The following NCOA3 variants were observed in gnomAD, a reference collection of about 807,000 sequenced individuals.
NCOA3 encodes the protein CBP-interacting protein.
NCOA3 carries 51 observed loss-of-function variants against 158.8 expected under a neutral mutation model. The observed-to-expected ratio is 0.32, with a 90% CI of 0.26 to 0.41. NCOA3 has a LOEUF of 0.41. Among genes scored for constraint, NCOA3 ranks in the 10% least tolerant of loss-of-function variants. The probability of loss-of-function intolerance (pLI) is 1.00; values close to 1 mark genes in which losing one functional copy is unlikely to be tolerated. For synonymous variants in NCOA3, 537 were observed against 592.4 expected, an observed-to-expected ratio of 0.91 and a Z score of 1.36; for missense variants, 1,510 against 1,746.6, an observed-to-expected ratio of 0.86 and a Z score of 2.41.
At chr20:47,569,785 C>T (rs1050092701) in intron 1 of NCOA3, among the ~76,000 whole-genome samples, 8 of 151,876 alleles carry the variant, frequency 5.3e-5, no homozygotes, top group East Asian at 1.9e-4. Flanking sequence ...CCGAGGAGGG[C>T]GGATCACAAG....
Position 47,627,667 on chromosome 20 carries a change from C to T in NCOA3, c.639C>T (p.Ala213=). ...ATGATATTCTGGAAGACATAAACGCCAGTCCTGAAATGCGCCAGAGATATG... is the reference window on the plus strand; with the variant it reads ...ATGATATTCTGGAAGACATAAACGCTAGTCCTGAAATGCGCCAGAGATATG... ...TPHDILEDIN[A]SPEMRQRYET... The change falls in exon 7 of 23, where the codon GCC becomes GCT. Residue 213 remains alanine, a synonymous_variant. Transcript: ENST00000371998. 1 of 1,614,118 alleles carries T rather than the reference C, an allele frequency of 6.2e-7. No individual in the cohort carries two copies. The highest frequency in any genetic ancestry group is 8.5e-7 in the Non-Finnish European group (1 of 1,180,020).
chr20:47,571,294 C>T (rs1005189902), intron 1 of NCOA3, among the ~76,000 whole-genome samples: 6 of 151,152 alleles, frequency 4.0e-5, no homozygotes, highest in Non-Finnish European at 5.9e-5. Flanking sequence ...TATGAGCCAC[C>T]GTGCCCGGCT....
At chr20:47,548,439 G>A (rs1300093844) in intron 1 of NCOA3, among the ~76,000 whole-genome samples, 3 of 152,012 alleles carry the variant, frequency 2.0e-5, no homozygotes, top group African/African-American at 7.2e-5. Context: ...AGCTACTCGG[G>A]AGGCTGAGGC....
intron 1 of NCOA3, among the ~76,000 whole-genome samples, chr20:47,540,226 G>A (rs2146126587): frequency 6.6e-6 from 1 of 152,118 alleles, no homozygotes; most frequent in East Asian, 1.9e-4. Context: ...ATACTTAGTT[G>A]GCATGGCTTT....
chr20:47,577,906 T>C (rs1352416585), intron 1 of NCOA3, among the ~76,000 whole-genome samples: 1 of 152,232 alleles, frequency 6.6e-6, no homozygotes, highest in Non-Finnish European at 1.5e-5. Flanking sequence ...CTTGATTCTT[T>C]CTAGTATATA....
intron 1 of NCOA3, among the ~76,000 whole-genome samples, chr20:47,525,959 C>T (rs1243082421): frequency 1.3e-5 from 2 of 151,566 alleles, no homozygotes; most frequent in Non-Finnish European, 2.9e-5. Flanking sequence ...CACCTCCCTC[C>T]CGGACAAGGT....
At chr20:47,519,499 A>T (rs544421027) in intron 1 of NCOA3, among the ~76,000 whole-genome samples, 1 of 152,262 alleles carries the variant, frequency 6.6e-6, no homozygotes, top group African/African-American at 2.4e-5. Context: ...GGTACCTGAG[A>T]TGGGCCCAAC....
chr20:47,639,767 T>G lies in NCOA3; in HGVS notation c.2898T>G (p.Asn966Lys). The stretch of plus-strand genomic sequence containing the variant: ...TTCCCACATTGCCTCTTCGGTCTAA[T>G]AGCATACCAGGTGCGAGACCAGTAT... ...GSIPTLPLRS[N>K]SIPGARPVLQ... Residue 966 changes from asparagine (N) to lysine (K), a missense_variant, in exon 15 of 23, where the codon AAT becomes AAG. Physicochemically the swap from Asn to Lys is moderately conservative, Grantham distance 94. Coordinates refer to ENST00000371998, the MANE Select transcript of NCOA3 (RefSeq NM_181659.3). The G allele has an allele frequency of 6.2e-7, 1 of 1,614,240 alleles. No homozygotes were observed. Among genetic ancestry groups the G allele is most frequent in the Non-Finnish European group, 8.5e-7 (1 of 1,180,044 alleles).
At chr20:47,608,407 G>T (rs1483423455) in intron 2 of NCOA3, among the ~76,000 whole-genome samples, 1 of 152,108 alleles carries the variant, frequency 6.6e-6, no homozygotes, top group Non-Finnish European at 1.5e-5. Context: ...TGAGGCCGAG[G>T]TGGGAGAATT....
intron 2 of NCOA3, among the ~76,000 whole-genome samples, chr20:47,595,051 CA>C (rs1220443654): frequency 6.7e-6 from 1 of 150,014 alleles, no homozygotes. Context: ...CTTTGCCTCC[CA>C]AAGTGATGGG....
intron 2 of NCOA3, among the ~76,000 whole-genome samples, chr20:47,616,200 GT>G (rs1258952561): frequency 3.7e-4 from 47 of 127,904 alleles, no homozygotes; most frequent in Middle Eastern, 5.0e-3. Context: ...TTAAATGCAG[GT>G]TTTTTTTTTT....
intron 1 of NCOA3, among the ~76,000 whole-genome samples, chr20:47,582,360 T>G (rs911997185): frequency 2.0e-5 from 3 of 152,054 alleles, no homozygotes; most frequent in Non-Finnish European, 4.4e-5. Flanking sequence ...TACAGGCGCA[T>G]GCCATCACAC....
chr20:47,598,922 A>AT (rs781678277), intron 2 of NCOA3, among the ~76,000 whole-genome samples: 1 of 152,222 alleles, frequency 6.6e-6, no homozygotes, highest in Non-Finnish European at 1.5e-5. Context: ...ATTATACTGT[A>AT]TTTTTACTGT....
rs2086565141 is a variant in NCOA3 at position 47,639,182 on chromosome 20, A to G, written c.2687A>G (p.Glu896Gly). 6.2e-7 allele frequency: 1 copy of G among 1,613,738 alleles called. No individual in the cohort carries two copies. Among genetic ancestry groups the G allele is most frequent in the Admixed American group, 1.7e-5 (1 of 59,980 alleles). The change falls in exon 14 of 23, where the codon GAA (glutamate) becomes GGA (glycine). Residue 896 changes from glutamate to glycine, a missense_variant. By Grantham distance (98) the Glu-to-Gly change is moderately conservative. Around this residue, in one of 4 missense-constraint regions of NCOA3, gnomAD observed 1,017 missense variants for 1,098.3 expected, o/e 0.93. Coordinates refer to ENST00000371998, the MANE Select transcript of NCOA3 (RefSeq NM_181659.3). ...AATCCAAGAATGATGGATAGTCAGG[A>G]AAATTATGGCTCAAGTATGGGTACG... The part of the protein sequence containing the change: ...GGNPRMMDSQ[E>G]NYGSSMGGPN...
chr20:47,514,041 C>G (rs1200188468), intron 1 of NCOA3, among the ~76,000 whole-genome samples: 1 of 152,066 alleles, frequency 6.6e-6, no homozygotes, highest in African/African-American at 2.4e-5. Context: ...TAAGAAAGGA[C>G]GGCCACTGTA....
At chr20:47,623,381 G>C (rs2086271561) in intron 3 of NCOA3, among the ~76,000 whole-genome samples, 1 of 152,190 alleles carries the variant, frequency 6.6e-6, no homozygotes, top group Admixed American at 6.5e-5. Context: ...AGGCCACCTA[G>C]CTAACAAAGA....
rs1365530042 is a variant in NCOA3 at position 47,525,649 on chromosome 20, GCCGGACGGGGGGGCTGA to G, written c.-99+23633_-99+23649del. 3.7e-4 allele frequency among the ~76,000 whole-genome samples: 51 copies of G among 139,054 alleles called. No individual in the cohort carries two copies. In the East Asian group the frequency reaches 0.011, roughly 30 times the overall value. The allele number at this position is 139,054 out of a possible 152,430, so 91.2% of individuals were successfully genotyped here. On this transcript the variant is annotated intron_variant, in intron 1 of 22. Coordinates refer to ENST00000371998, the MANE Select transcript of NCOA3 (RefSeq NM_181659.3). ...ACCTCCCTCCCGGACGGGGCGGCTGGCCGGACGGGGGGGCTGACCCCCCCCACCTCCCTCCCGGACGG... is the reference window on the plus strand; with the variant it reads ...ACCTCCCTCCCGGACGGGGCGGCTGGCCCCCCCCACCTCCCTCCCGGACGG...
chr20:47,586,390 CA>C (rs968234152), intron 2 of NCOA3, among the ~76,000 whole-genome samples: 3 of 151,640 alleles, frequency 2.0e-5, no homozygotes, highest in Non-Finnish European at 4.4e-5. Context: ...AACACACACA[CA>C]ATTTTTTTTT....
At chr20:47,627,288 G>A (rs1416496280) in intron 6 of NCOA3, 112 bp downstream of exon 6, 4 of 913,004 alleles carry the variant, frequency 4.4e-6, no homozygotes, top group Middle Eastern at 3.5e-4. Flanking sequence ...GGGTAGAAAG[G>A]CATGTGATTT....
Sources: allele counts gnomAD v4.1 joint callset (sites outside exome capture counted in the v4.1 genomes callset), GRCh38; gene constraint gnomAD v4.1.1; regional missense constraint gnomAD v4.1.1; transcripts MANE v1.5; gene names NCBI Gene and HGNC (gene_info 2026-07-23, HGNC 2026-07-21).